Variants in FAT3 observed in about 807,000 individuals in gnomAD.
The protein encoded by FAT3 is protocadherin Fat 3.
A neutral mutation model predicts 310.2 loss-of-function variants in FAT3; 95 were observed. That is an observed-to-expected ratio of 0.31 (90% CI 0.26 to 0.36). The LOEUF is 0.36. FAT3 is among the 10% of genes least tolerant of loss of function. FAT3 has a pLI of 1.00. For synonymous variants in FAT3, 2,314 were observed against 2,192.9 expected (o/e 1.06, Z -1.54); for missense variants, 5,408 against 5,715.6 (o/e 0.95, Z 1.74).
intron 22 of FAT3, among the ~76,000 whole-genome samples, chr11:92,875,173 A>T (rs1454125868): frequency 6.7e-6 from 1 of 150,252 alleles, no homozygotes; most frequent in Admixed American, 6.7e-5. Flanking sequence ...ACTAAAAAAA[A>T]AATCTGACCA....
intron 1 of FAT3, among the ~76,000 whole-genome samples, chr11:92,229,649 T>C (rs992952734): frequency 1.3e-5 from 2 of 151,726 alleles, no homozygotes; most frequent in Non-Finnish European, 2.9e-5. Context: ...ACTTGTCTAG[T>C]GGCTTCAAGC....
At position 92,732,926 on chromosome 11, in the gene FAT3, G is replaced by T. The variant is rs558020467; in HGVS notation, c.3670-28930G>T. 9.9e-5 allele frequency among the ~76,000 whole-genome samples: 15 copies of T among 152,284 alleles called. No individual in the cohort carries two copies. In the South Asian group the frequency reaches 2.9e-3, roughly 29 times the overall value. On this transcript the variant is annotated intron_variant, in intron 4 of 27. Transcript: ENST00000525166. The stretch of plus-strand genomic sequence containing the variant: ...CTTGGACGGTGGAAAGGTGATAAAG[G>T]ACCACTTCCCTGTGGGATAACCACT...
At chr11:92,829,232 T>A (rs1192614907) in intron 13 of FAT3, among the ~76,000 whole-genome samples, 1 of 152,242 alleles carries the variant, frequency 6.6e-6, no homozygotes, top group African/African-American at 2.4e-5. Flanking sequence ...CCTTGGTTAA[T>A]GCATCAGTGA....
chr11:92,563,982 C>T (rs1424193661), intron 3 of FAT3, among the ~76,000 whole-genome samples: 4 of 151,234 alleles, frequency 2.6e-5, no homozygotes, highest in Non-Finnish European at 5.9e-5. Context: ...CATCAACTAA[C>T]GAGCAAAATA....
rs560341172 is a variant in FAT3 at position 92,696,287 on chromosome 11, G to A, written c.3608-1097G>A. On this transcript the variant is annotated intron_variant, in intron 3 of 27. Coordinates refer to ENST00000525166, the MANE Select transcript of FAT3 (RefSeq NM_001367949.2). ...GGCAGTGTGGAGGTGGAGAGGAGGG[G>A]CTAGCTTGTAAACAGCCATGTTACT... 1.6e-4 allele frequency among the ~76,000 whole-genome samples: 25 copies of A among 152,192 alleles called. No homozygotes were observed. In the South Asian group the frequency reaches 4.4e-3, roughly 27 times the overall value.
chr11:92,796,341 AT>A (rs1330715545), intron 9 of FAT3, among the ~76,000 whole-genome samples: 1 of 152,172 alleles, frequency 6.6e-6, no homozygotes, highest in Admixed American at 6.5e-5. Flanking sequence ...TAATATTCAC[AT>A]TTGGGGGGGC....
intron 3 of FAT3, among the ~76,000 whole-genome samples, chr11:92,535,790 T>A (rs1954237334): frequency 6.6e-6 from 1 of 151,334 alleles, no homozygotes; most frequent in Admixed American, 6.6e-5. Flanking sequence ...TTCTGAAAGA[T>A]AACCCATGGA....
intron 6 of FAT3, among the ~76,000 whole-genome samples, chr11:92,767,835 G>C (rs1946354208): frequency 6.6e-6 from 1 of 152,046 alleles, no homozygotes; most frequent in Non-Finnish European, 1.5e-5. Context: ...AGGATGAGTG[G>C]AATAAACTAT....
At chr11:92,678,591 A>T (rs12286385) in intron 3 of FAT3, among the ~76,000 whole-genome samples, 4,177 of 152,178 alleles carry the variant, frequency 0.027, 209 homozygotes, top group African/African-American at 0.095. Flanking sequence ...AAGAATGCTG[A>T]TCTTGAGGCA....
chr11:92,699,819 T>C (rs1476393636), intron 4 of FAT3, among the ~76,000 whole-genome samples: 4 of 152,222 alleles, frequency 2.6e-5, no homozygotes, highest in Non-Finnish European at 4.4e-5. Context: ...TGGTGCTAAG[T>C]AGGTGCTTAG....
intron 6 of FAT3, among the ~76,000 whole-genome samples, chr11:92,771,474 T>A (rs1946454148): frequency 6.6e-6 from 1 of 152,160 alleles, no homozygotes; most frequent in African/African-American, 2.4e-5. Flanking sequence ...GGATTCTGTG[T>A]CCCTTGTCAG....
intron 3 of FAT3, among the ~76,000 whole-genome samples, chr11:92,684,746 C>G (rs1284379192): frequency 2.0e-5 from 3 of 152,290 alleles, no homozygotes; most frequent in East Asian, 3.9e-4. Context: ...CCCCACACCC[C>G]CATACTAGCC....
At chr11:92,444,164 G>C (rs1395053161) in intron 2 of FAT3, among the ~76,000 whole-genome samples, 2 of 152,084 alleles carry the variant, frequency 1.3e-5, no homozygotes, top group African/African-American at 4.8e-5. Context: ...CTATAAACCT[G>C]GGGAGGGGTG....
chr11:92,726,093 G>T (rs953209703), intron 4 of FAT3, among the ~76,000 whole-genome samples: 13 of 152,000 alleles, frequency 8.6e-5, no homozygotes, highest in African/African-American at 2.2e-4. Context: ...ATTAAATTAG[G>T]ACATGTCCCC....
intron 3 of FAT3, among the ~76,000 whole-genome samples, chr11:92,585,482 C>T (rs1939089844): frequency 1.3e-5 from 2 of 152,058 alleles, no homozygotes; most frequent in South Asian, 4.1e-4. Flanking sequence ...GTAGTACTAG[C>T]TTAAAAAGAG....
chr11:92,528,715 C>T (rs983532496), intron 3 of FAT3, among the ~76,000 whole-genome samples: 1 of 152,028 alleles, frequency 6.6e-6, no homozygotes, highest in Non-Finnish European at 1.5e-5. Context: ...CCAGGGTGGC[C>T]CTCATTGGTC....
At chr11:92,563,683 G>A (rs2135478086) in intron 3 of FAT3, among the ~76,000 whole-genome samples, 1 of 152,164 alleles carries the variant, frequency 6.6e-6, no homozygotes, top group African/African-American at 2.4e-5. Context: ...ACTAACAGCA[G>A]ATCTCTCGGC....
intron 3 of FAT3, among the ~76,000 whole-genome samples, chr11:92,695,601 C>T (rs541854457): frequency 1.3e-5 from 2 of 152,260 alleles, no homozygotes; most frequent in African/African-American, 4.8e-5. Context: ...TGTAGCAAAA[C>T]TGAAGAATAG....
At chr11:92,454,139 C>T (rs10830915) in intron 2 of FAT3, among the ~76,000 whole-genome samples, 8,384 of 152,178 alleles carry the variant, frequency 0.055, 484 homozygotes, top group African/African-American at 0.14. Flanking sequence ...CCTACTAAGT[C>T]ATGAAAATCC....
Sources: allele counts gnomAD v4.1 joint callset (sites outside exome capture counted in the v4.1 genomes callset), GRCh38; gene constraint gnomAD v4.1.1; transcripts MANE v1.5; gene names NCBI Gene and HGNC (gene_info 2026-07-23, HGNC 2026-07-21).